CGNL1: variants seen among roughly 807,000 people sequenced by gnomAD.
CGNL1 encodes cingulin-like protein 1.
Under a neutral mutation model 141.2 loss-of-function variants are expected in CGNL1, and 132 were observed. The observed-to-expected ratio is 0.93, with a 90% CI of 0.81 to 1.08. The LOEUF is 1.08. Among genes scored for constraint, CGNL1 ranks in the 50% least tolerant of loss-of-function variants. CGNL1 has a pLI of 0.00. For missense variants in CGNL1, 1,870 were observed against 1,588.6 expected (o/e 1.18, Z -3.01); for synonymous variants, 690 against 622.1 (o/e 1.11, Z -1.63).
At chr15:57,418,385 T>TC (rs1163113967) in intron 1 of CGNL1, among the ~76,000 whole-genome samples, 1 of 152,176 alleles carries the variant, frequency 6.6e-6, no homozygotes, top group African/African-American at 2.4e-5. Context: ...TCTCTTTTTT[T>TC]CTCTCCTATT....
At chr15:57,434,832 C>A (rs1595699614) in intron 1 of CGNL1, among the ~76,000 whole-genome samples, 1 of 152,236 alleles carries the variant, frequency 6.6e-6, no homozygotes, top group East Asian at 1.9e-4. Flanking sequence ...TTTCAAAATA[C>A]AAGGAGTCAA....
At chr15:57,411,035 C>G (rs1255807468) in intron 1 of CGNL1, among the ~76,000 whole-genome samples, 1 of 151,914 alleles carries the variant, frequency 6.6e-6, no homozygotes, top group African/African-American at 2.4e-5. Context: ...TAAAAAATAA[C>G]TTTTGAAGGT....
chr15:57,422,620 C>G (rs1388713794), intron 1 of CGNL1, among the ~76,000 whole-genome samples: 1 of 152,092 alleles, frequency 6.6e-6, no homozygotes, highest in Admixed American at 6.5e-5. Flanking sequence ...TGTAAAAGTA[C>G]TTAGATGAGT....
intron 13 of CGNL1, among the ~76,000 whole-genome samples, chr15:57,530,355 A>C (rs1472364924): frequency 6.6e-6 from 1 of 152,234 alleles, no homozygotes; most frequent in Non-Finnish European, 1.5e-5. Context: ...TAATTACAAA[A>C]TGAATGGCTC....
chr15:57,437,259 T>A (rs939473613), intron 1 of CGNL1, among the ~76,000 whole-genome samples: 2 of 152,156 alleles, frequency 1.3e-5, no homozygotes, highest in African/African-American at 4.8e-5. Context: ...TAAATAATAT[T>A]TTCCAGATCA....
At chr15:57,471,498 C>T (rs2064250470) in intron 8 of CGNL1, among the ~76,000 whole-genome samples, 2 of 152,206 alleles carry the variant, frequency 1.3e-5, no homozygotes, top group African/African-American at 2.4e-5. Flanking sequence ...ACCTCGATGA[C>T]TCAAAATCAC....
chr15:57,514,657 G>A (rs1438883022), intron 8 of CGNL1, among the ~76,000 whole-genome samples: 1 of 152,126 alleles, frequency 6.6e-6, no homozygotes, highest in Non-Finnish European at 1.5e-5. Flanking sequence ...TACTTTTGGT[G>A]TTGTAGCTAA....
At chr15:57,432,912 T>C (rs1402401148) in intron 1 of CGNL1, among the ~76,000 whole-genome samples, 1 of 152,254 alleles carries the variant, frequency 6.6e-6, no homozygotes, top group African/African-American at 2.4e-5. Context: ...AAGGTGGCTT[T>C]ATTCAAAGAT....
chr15:57,525,718 A>G (rs1033823089), intron 12 of CGNL1, among the ~76,000 whole-genome samples: 13 of 152,162 alleles, frequency 8.5e-5, no homozygotes, highest in African/African-American at 2.2e-4. Flanking sequence ...AAAGTCACCC[A>G]TGAGTCAGTG....
At chr15:57,447,986 C>T (rs2063277526) in intron 4 of CGNL1, among the ~76,000 whole-genome samples, 1 of 152,092 alleles carries the variant, frequency 6.6e-6, no homozygotes, top group Non-Finnish European at 1.5e-5. Flanking sequence ...TTTTCTTCAT[C>T]CTTCATTTAA....
At chr15:57,479,042 G>C (rs1339749021) in intron 8 of CGNL1, among the ~76,000 whole-genome samples, 1 of 152,206 alleles carries the variant, frequency 6.6e-6, no homozygotes, top group Admixed American at 6.5e-5. Flanking sequence ...AAGCACTGCA[G>C]AAGCCCACTT....
intron 1 of CGNL1, among the ~76,000 whole-genome samples, chr15:57,390,730 C>T (rs1389685955): frequency 6.6e-6 from 1 of 152,146 alleles, no homozygotes; most frequent in Non-Finnish European, 1.5e-5. Context: ...CATGCGCTGC[C>T]TCTCGGCTGG....
chr15:57,411,470 G>A (rs1218917601), intron 1 of CGNL1, among the ~76,000 whole-genome samples: 2 of 148,132 alleles, frequency 1.4e-5, no homozygotes, highest in African/African-American at 5.0e-5. Flanking sequence ...TTGAGACAGA[G>A]CCTTGCTCTG....
intron 1 of CGNL1, among the ~76,000 whole-genome samples, chr15:57,401,505 C>T (rs990169178): frequency 6.6e-5 from 10 of 152,168 alleles, no homozygotes; most frequent in African/African-American, 2.2e-4. Flanking sequence ...TAAGACATTT[C>T]CTTACCAGCT....
intron 8 of CGNL1, among the ~76,000 whole-genome samples, chr15:57,478,745 C>A (rs2063688295): frequency 6.6e-6 from 1 of 152,154 alleles, no homozygotes; most frequent in Non-Finnish European, 1.5e-5. Context: ...CTCAAGTCAT[C>A]CTTCCAGCTC....
intron 7 of CGNL1, among the ~76,000 whole-genome samples, chr15:57,459,025 G>C (rs1433936702): frequency 6.6e-6 from 1 of 152,170 alleles, no homozygotes; most frequent in Admixed American, 6.5e-5. Flanking sequence ...CTCGTTGTCG[G>C]TTATACTTAA....
intron 8 of CGNL1, among the ~76,000 whole-genome samples, chr15:57,492,259 A>G (rs758151404): frequency 9.2e-5 from 14 of 152,328 alleles, no homozygotes; most frequent in Middle Eastern, 3.4e-3. Context: ...GGATCTGATC[A>G]GTTCATTGAT....
intron 1 of CGNL1, among the ~76,000 whole-genome samples, chr15:57,423,371 A>C (rs757411097): frequency 1.3e-5 from 2 of 152,208 alleles, no homozygotes; most frequent in Non-Finnish European, 2.9e-5. Flanking sequence ...AGAGGAAATA[A>C]ATGTAGCAGA....
At chr15:57,513,255 T>TGG (rs1322894380) in intron 8 of CGNL1, among the ~76,000 whole-genome samples, 9 of 108,614 alleles carry the variant, frequency 8.3e-5, no homozygotes, top group African/African-American at 2.9e-4. Flanking sequence ...TCAATATGGG[T>TGG]GTGTGTGTGT....
Sources: allele counts gnomAD v4.1 joint callset (sites outside exome capture counted in the v4.1 genomes callset), GRCh38; gene constraint gnomAD v4.1.1; transcripts MANE v1.5; gene names NCBI Gene and HGNC (gene_info 2026-07-23, HGNC 2026-07-21).